The following FER variants were observed in gnomAD, a reference collection of about 807,000 sequenced individuals.
FER encodes tyrosine-protein kinase Fer.
Under a neutral mutation model 111.0 loss-of-function variants are expected in FER, and 63 were observed. The ratio of observed to expected loss-of-function variants is 0.57; its 90% CI spans 0.46 to 0.70. The LOEUF is 0.70. Ranked by LOEUF, FER falls within the 30% of genes least tolerant of loss-of-function variation. FER has a pLI of 0.00. For synonymous variants in FER, 327 were observed against 313.9 expected, an observed-to-expected ratio of 1.04 and a Z score of -0.44; for missense variants, 914 against 954.0, an observed-to-expected ratio of 0.96 and a Z score of 0.55.
chr5:108,907,459 A>AT lies in FER; in HGVS notation c.1236+9618dup, dbSNP rs1198010980. Among the ~76,000 whole-genome samples, 8 of 151,662 alleles carry AT rather than the reference A, an allele frequency of 5.3e-5. No individual in the cohort carries two copies. The South Asian group carries it at 8.4e-4, about 16-fold the overall frequency. ...CAGGTGCTGCCACCACACCCAGCTA[A>AT]TTTTTTTGTATTTTTGATAGAGACG... On this transcript the variant is annotated intron_variant, in intron 10 of 19. Transcript: ENST00000281092.
intron 17 of FER, among the ~76,000 whole-genome samples, chr5:109,154,481 C>G (rs938333676): frequency 6.6e-6 from 1 of 151,688 alleles, no homozygotes; most frequent in Non-Finnish European, 1.5e-5. Flanking sequence ...AAAAAAGAAA[C>G]CAAATCCATG....
intron 16 of FER, among the ~76,000 whole-genome samples, chr5:109,054,097 T>G (rs1161172296): frequency 6.6e-6 from 1 of 152,198 alleles, no homozygotes; most frequent in Non-Finnish European, 1.5e-5. Context: ...CTGTAAACAT[T>G]CCTGTACAAG....
chr5:109,143,718 G>GTTTTTTT (rs112735353), intron 17 of FER, among the ~76,000 whole-genome samples: 1 of 149,826 alleles, frequency 6.7e-6, no homozygotes, highest in African/African-American at 2.4e-5. Flanking sequence ...GTTTTGTTTT[G>GTTTTTTT]TTTTTTTTTG....
intron 17 of FER, among the ~76,000 whole-genome samples, chr5:109,130,399 C>T (rs1409513284): frequency 1.3e-5 from 2 of 151,940 alleles, no homozygotes; most frequent in Non-Finnish European, 1.5e-5. Context: ...TGTATATAGT[C>T]CTCTGTTAAT....
intron 13 of FER, among the ~76,000 whole-genome samples, chr5:109,034,384 T>G (rs1459589624): frequency 2.0e-5 from 3 of 152,124 alleles, no homozygotes; most frequent in Non-Finnish European, 4.4e-5. Flanking sequence ...TTACTTCTTT[T>G]CATTTCGAGG....
At chr5:108,884,955 CT>C (rs1446723010) in intron 9 of FER, among the ~76,000 whole-genome samples, 1 of 151,908 alleles carries the variant, frequency 6.6e-6, no homozygotes, top group Non-Finnish European at 1.5e-5. Context: ...TTTCTTTTCC[CT>C]TGGCCTTTGG....
At chr5:109,091,979 CT>C (rs1746823740) in intron 16 of FER, among the ~76,000 whole-genome samples, 1 of 151,890 alleles carries the variant, frequency 6.6e-6, no homozygotes, top group Non-Finnish European at 1.5e-5. Context: ...GCTAGGGGTC[CT>C]TTTTTGCCCT....
At chr5:109,014,558 G>A (rs563174709) in intron 13 of FER, among the ~76,000 whole-genome samples, 1,531 of 152,050 alleles carry the variant, frequency 0.01, 22 homozygotes, top group African/African-American at 0.035. Context: ...TTGACTTGGC[G>A]ATGTGGGCTC....
chr5:108,866,198 G>A (rs1052355763), intron 5 of FER, among the ~76,000 whole-genome samples: 4 of 152,114 alleles, frequency 2.6e-5, no homozygotes, highest in African/African-American at 9.7e-5. Context: ...ATGTCCAACA[G>A]TGATAGACTG....
intron 3 of FER, among the ~76,000 whole-genome samples, chr5:108,801,821 C>T (rs1255097202): frequency 6.6e-6 from 1 of 152,172 alleles, no homozygotes; most frequent in Non-Finnish European, 1.5e-5. Context: ...AAATTACCGG[C>T]ATCACTATCC....
At chr5:109,186,439 C>T (rs878932160) in intron 19 of FER, 117 bp downstream of exon 19, 3 of 1,466,760 alleles carry the variant, frequency 2.0e-6, no homozygotes, top group African/African-American at 2.8e-5. Flanking sequence ...GTTATGAGAC[C>T]ATCTCTGGGG....
intron 15 of FER, among the ~76,000 whole-genome samples, chr5:109,045,064 A>G (rs568177192): frequency 5.5e-4 from 83 of 151,976 alleles, no homozygotes; most frequent in African/African-American, 1.9e-3. Context: ...ATATATGTAT[A>G]TATGCAATAC....
intron 10 of FER, among the ~76,000 whole-genome samples, chr5:108,909,962 A>G (rs908161351): frequency 2.4e-4 from 37 of 152,052 alleles, no homozygotes; most frequent in African/African-American, 8.4e-4. Flanking sequence ...AGAAAATATT[A>G]CTGAACATTT....
chr5:109,143,723 T>TG (rs1554147630), intron 17 of FER, among the ~76,000 whole-genome samples: 1 of 151,386 alleles, frequency 6.6e-6, no homozygotes. Context: ...GTTTTGTTTT[T>TG]TTTTGAAAGT....
At chr5:109,004,709 T>G (rs988346170) in intron 13 of FER, among the ~76,000 whole-genome samples, 20 of 152,188 alleles carry the variant, frequency 1.3e-4, no homozygotes, top group Non-Finnish European at 4.4e-5. Flanking sequence ...TTTTTTATAG[T>G]GTTTTCTATT....
At chr5:109,178,410 T>C (rs1021905237) in intron 17 of FER, among the ~76,000 whole-genome samples, 6 of 152,220 alleles carry the variant, frequency 3.9e-5, no homozygotes, top group Non-Finnish European at 7.3e-5. Flanking sequence ...GCAATGAAGA[T>C]AGTTATGACA....
chr5:109,119,936 A>G (rs186110413), intron 17 of FER, among the ~76,000 whole-genome samples: 134 of 151,988 alleles, frequency 8.8e-4, no homozygotes, highest in Non-Finnish European at 1.1e-3. Context: ...AGAAATGCCT[A>G]TTTAGATCTT....
At chr5:109,164,859 T>C (rs1323888367) in intron 17 of FER, among the ~76,000 whole-genome samples, 2 of 152,204 alleles carry the variant, frequency 1.3e-5, no homozygotes, top group Admixed American at 1.3e-4. Context: ...ACTTAGCATG[T>C]TGACGCCATC....
At chr5:108,976,965 T>C (rs995612057) in intron 13 of FER, among the ~76,000 whole-genome samples, 2 of 152,202 alleles carry the variant, frequency 1.3e-5, no homozygotes, top group Non-Finnish European at 2.9e-5. Flanking sequence ...TCAAGGTTTA[T>C]GGTATTGCAT....
Sources: gnomAD v4.1 joint callset for allele counts (sites outside exome capture counted in the v4.1 genomes callset) on GRCh38, gnomAD v4.1.1 for gene constraint, MANE v1.5 for transcripts, NCBI Gene and HGNC (gene_info 2026-07-23, HGNC 2026-07-21) for gene names.